Variants in GDF7 observed in about 807,000 individuals in gnomAD.
GDF7 encodes growth differentiation factor 7.
GDF7 carries 12 observed loss-of-function variants against 13.4 expected under a neutral mutation model. That is an observed-to-expected ratio of 0.90 (90% CI 0.57 to 1.45). The LOEUF is 1.45. GDF7 is among the 40% of genes most tolerant of loss of function. The pLI, the probability that GDF7 is intolerant of heterozygous loss-of-function variation, is 0.00. For missense variants in GDF7, 651 were observed against 652.4 expected (o/e 1.00, Z 0.02); for synonymous variants, 330 against 306.4 (o/e 1.08, Z -0.80).
rs1662138262 is a variant in GDF7, at chr2:20,672,127, C to CCCTTTTT, written c.*702_*703insCCTTTTT. ...CCGCCACCCCCCCCCCCCCCCCCGC[C>CCCTTTTT]TTTTTTTTTTTTTTTTTTAATCAAT... On this transcript the variant is annotated 3_prime_UTR_variant, in exon 2 of 2. Transcript: ENST00000272224. 8.9e-6 allele frequency: 1 copy of CCCTTTTT among 112,446 alleles called. No homozygotes were observed. The highest frequency in any genetic ancestry group is 3.5e-5 in the African/African-American group (1 of 28,186). 7.0% of individuals were successfully genotyped at this position (112,446 alleles called of 1,614,324 possible).
At position 20,671,453 on chromosome 2, in the gene GDF7, G is replaced by A. The variant is rs1259187171; in HGVS notation, c.*28G>A. Reference sequence around the variant, plus strand: ...CGAGGGCCGGGGAGGGGGCAGCCACGCGGCCGAGGATCCCCAGCTGATGAG... The same window carrying A: ...CGAGGGCCGGGGAGGGGGCAGCCACACGGCCGAGGATCCCCAGCTGATGAG... On this transcript the variant is annotated 3_prime_UTR_variant, in exon 2 of 2. Coordinates refer to ENST00000272224, the MANE Select transcript of GDF7 (RefSeq NM_182828.4). 5.0e-6 allele frequency: 8 copies of A among 1,596,682 alleles called. No individual in the cohort carries two copies. The Admixed American group carries it at 6.8e-5, about 14-fold the overall frequency.
Position 20,676,249 on chromosome 2 carries a change from C to G in GDF7, c.*4824C>G, listed in dbSNP as rs1025534758. 2 of 152,242 alleles carry G rather than the reference C, an allele frequency of 1.3e-5. No individual in the cohort carries two copies. The highest frequency in any genetic ancestry group is 2.9e-5 in the Non-Finnish European group (2 of 68,058). The allele number at this position is 152,242 out of a possible 1,614,324, so 9.4% of individuals were successfully genotyped here. ...CAGGGGAGTGACCCTGGGGTAGCAT[C>G]AGAAGAGCTTGTCTCTCTCTTCCTT... On this transcript the variant is annotated 3_prime_UTR_variant, in exon 2 of 2. Transcript: ENST00000272224.
At chr2:20,670,021 C>T (rs1662084357) in intron 1 of GDF7, among the ~76,000 whole-genome samples, 1 of 152,178 alleles carries the variant, frequency 6.6e-6, no homozygotes, top group Admixed American at 6.5e-5. Flanking sequence ...CGATAAGTCT[C>T]CTTAAGGCCC....
chr2:20,671,082 C>G lies in GDF7; in HGVS notation c.1010C>G (p.Ala337Gly), dbSNP rs1225009054. 1 of 1,507,702 alleles carries G rather than the reference C, an allele frequency of 6.6e-7. No individual in the cohort carries two copies. The highest frequency in any genetic ancestry group is 2.5e-5 in the East Asian group (1 of 40,580). 93.4% of individuals were successfully genotyped at this position (1,507,702 alleles called of 1,614,324 possible). A position where few individuals can be genotyped will look rare whatever the true frequency, so the allele number is the denominator to read the frequency against. ...TRTAQGSGGG[A>G]GRGHGRRGRS... Reference sequence around the variant, plus strand: ...ACAGCGCAGGGCAGCGGCGGGGGCGCGGGCCGGGGCCACGGGCGCAGGGGC... The same window carrying G: ...ACAGCGCAGGGCAGCGGCGGGGGCGGGGGCCGGGGCCACGGGCGCAGGGGC... Residue 337 changes from alanine (A) to glycine (G), a missense_variant, in exon 2 of 2, where the codon GCG becomes GGG. Ala to Gly is a moderately conservative substitution (Grantham distance 60, BLOSUM62 0). This residue lies in a region of GDF7 where 487 missense variants were observed against 445.9 expected (regional missense o/e 1.09). Coordinates refer to ENST00000272224, the MANE Select transcript of GDF7 (RefSeq NM_182828.4).
rs905881263 is a variant in GDF7 at position 20,674,312 on chromosome 2, A to C, written c.*2887A>C. ...GTCCCCTCAACCCCAACCTGAGGTC[A>C]CCAAAGTCTCCCTCCTAAAGTAAAC... is the stretch of plus-strand genomic sequence containing the variant. On this transcript the variant is annotated 3_prime_UTR_variant, in exon 2 of 2. Transcript: ENST00000272224. The C allele has an allele frequency of 2.0e-5, 3 of 152,240 alleles. No homozygotes were observed. Among genetic ancestry groups the C allele is most frequent in the Non-Finnish European group, 2.9e-5 (2 of 68,040 alleles). The allele number at this position is 152,240 out of a possible 1,614,324, so 9.4% of individuals were successfully genotyped here.
At chr2:20,670,282 C>G (rs1334080950) in intron 1 of GDF7, among the ~76,000 whole-genome samples, 182 bp from the exon 2 acceptor site, 1 of 152,230 alleles carries the variant, frequency 6.6e-6, no homozygotes, top group African/African-American at 2.4e-5. Context: ...GTCCGCTGCT[C>G]TGGGCCAGGC....
rs147389671 is a variant in GDF7, at chr2:20,670,582, C to A, written c.510C>A (p.Gly170=). The change falls in exon 2 of 2, where the codon GGC becomes GGA. Residue 170 remains glycine, a synonymous_variant. Transcript: ENST00000272224. The stretch of plus-strand genomic sequence containing the variant: ...TGCGCCGGGGATCTCCAGAGTCGGG[C>A]CCAGGCAGCTGGACTTCTCCGCCGT... The part of the protein sequence containing the change: ...RVLRRGSPES[G]PGSWTSPPLL... 6.2e-7 allele frequency: 1 copy of A among 1,602,914 alleles called. No individual in the cohort carries two copies. The highest frequency in any genetic ancestry group is 8.5e-7 in the Non-Finnish European group (1 of 1,176,276).
At position 20,667,593 on chromosome 2, in the gene GDF7, G is replaced by A. The variant is rs779201956; in HGVS notation, c.354G>A (p.Ala118=). ...AAVSASGHGR[A]DTITGFTDQA... ...TCTCCGCCTCGGGCCATGGTCGCGC[G>A]GACACGATCACCGGCTTCACAGACC... The change falls in exon 1 of 2, where the codon GCG becomes GCA. Residue 118 remains alanine (A), a synonymous_variant. Coordinates refer to ENST00000272224, the MANE Select transcript of GDF7 (RefSeq NM_182828.4). This position sits in a 1 kb window ranked among gnomAD's most constrained non-coding sequence, Gnocchi z 6.4. 4 of 1,511,508 alleles carry A rather than the reference G, an allele frequency of 2.6e-6. No homozygotes were observed. Among genetic ancestry groups the A allele is most frequent in the Admixed American group, 2.0e-5 (1 of 48,880 alleles). 93.6% of individuals were successfully genotyped at this position (1,511,508 alleles called of 1,614,324 possible). A position where few individuals can be genotyped will look rare whatever the true frequency, so the allele number is the denominator to read the frequency against.
chr2:20,670,477 C>T lies in GDF7; in HGVS notation c.405C>T (p.Ala135=), dbSNP rs145064511. 7.0e-4 allele frequency: 1,075 copies of T among 1,543,848 alleles called. 7 individuals carry two copies. In the African/African-American group the frequency reaches 0.013, roughly 19 times the overall value. ...GGTCCCCCGCAGACGAATCGGCAGC[C>T]GAAACAGGCCAGAGCTTCCTGTTCG... The part of the protein sequence containing the change: ...TDQATQDESA[A]ETGQSFLFDV... Residue 135 remains alanine (A), a synonymous_variant, in exon 2 of 2, where the codon GCC becomes GCT. Coordinates refer to ENST00000272224, the MANE Select transcript of GDF7 (RefSeq NM_182828.4).
rs1460307274 is a variant in GDF7 at position 20,674,768 on chromosome 2, G to C, written c.*3343G>C. 6.6e-6 allele frequency: 1 copy of C among 152,212 alleles called. No homozygotes were observed. Among genetic ancestry groups the C allele is most frequent in the Admixed American group, 6.5e-5 (1 of 15,286 alleles). The allele number at this position is 152,212 out of a possible 1,614,324, so 9.4% of individuals were successfully genotyped here. On this transcript the variant is annotated 3_prime_UTR_variant, in exon 2 of 2. Coordinates refer to ENST00000272224, the MANE Select transcript of GDF7 (RefSeq NM_182828.4). ...GATATGAGGTGTGGATTGTGTGATA[G>C]AAGAATCCAGACTCCACGAAGCCAA...
chr2:20,670,962 C>T lies in GDF7; in HGVS notation c.890C>T (p.Ser297Leu). Reference protein sequence around the residue: ...QARALGAALASEPLPDPGTGT... With the variant: ...QARALGAALALEPLPDPGTGT... The stretch of plus-strand genomic sequence containing the variant: ...CGCGCGCTCGGGGCCGCTCTGGCCT[C>T]AGAGCCGCTGCCCGACCCAGGAACC... Residue 297 changes from serine to leucine, a missense_variant, in exon 2 of 2, where the codon TCA (serine) becomes TTA (leucine). By Grantham distance (145) the Ser-to-Leu change is moderately radical (BLOSUM62 -2). Around this residue, in one of 4 missense-constraint regions of GDF7, gnomAD observed 487 missense variants for 445.9 expected, o/e 1.09. Transcript: ENST00000272224. The T allele has an allele frequency of 6.4e-7, 1 of 1,562,188 alleles. No individual in the cohort carries two copies. Among genetic ancestry groups the T allele is most frequent in the Non-Finnish European group, 8.6e-7 (1 of 1,161,640 alleles).
rs1662257633 is a variant in GDF7 at position 20,677,811 on chromosome 2, G to C, written c.*6386G>C. 6.6e-6 allele frequency: 1 copy of C among 152,304 alleles called. No homozygotes were observed. The highest frequency in any genetic ancestry group is 1.5e-5 in the Non-Finnish European group (1 of 68,092). 9.4% of individuals were successfully genotyped at this position (152,304 alleles called of 1,614,324 possible). ...TGGGGAGACCGCTCATGGGCTATGGGCAGCCCATGCCTGGATTTTTTGGTG... is the reference window on the plus strand; with the variant it reads ...TGGGGAGACCGCTCATGGGCTATGGCCAGCCCATGCCTGGATTTTTTGGTG... On this transcript the variant is annotated 3_prime_UTR_variant, in exon 2 of 2. Coordinates refer to ENST00000272224, the MANE Select transcript of GDF7 (RefSeq NM_182828.4).
At position 20,672,002 on chromosome 2, in the gene GDF7, A is replaced by T. The variant is rs1298899058; in HGVS notation, c.*577A>T. On this transcript the variant is annotated 3_prime_UTR_variant, in exon 2 of 2. Transcript: ENST00000272224. ...CTGCAAAAAGCATCTTTCTTTTTTT[A>T]ACTTTTAAAATTTAACGTGCCCCTG... 6.6e-6 allele frequency: 1 copy of T among 151,516 alleles called. No individual in the cohort carries two copies. The highest frequency in any genetic ancestry group is 1.5e-5 in the Non-Finnish European group (1 of 67,824). 9.4% of individuals were successfully genotyped at this position (151,516 alleles called of 1,614,324 possible).
intron 1 of GDF7, among the ~76,000 whole-genome samples, chr2:20,670,043 A>T (rs1362632169): frequency 4.6e-5 from 7 of 152,128 alleles, no homozygotes; most frequent in African/African-American, 1.4e-4. Flanking sequence ...GGACCTCAGG[A>T]GGGGGTGCAC....
rs924967138 is a variant in GDF7 at position 20,673,523 on chromosome 2, A to G, written c.*2098A>G. The stretch of plus-strand genomic sequence containing the variant: ...GAAGTGTTGAAAGTTGTAGTATTAG[A>G]AGGTTTAGAAAGGAAGTTAATGACA... On this transcript the variant is annotated 3_prime_UTR_variant, in exon 2 of 2. Coordinates refer to ENST00000272224, the MANE Select transcript of GDF7 (RefSeq NM_182828.4). The G allele has an allele frequency of 2.6e-5, 4 of 152,224 alleles. No homozygotes were observed. The highest frequency in any genetic ancestry group is 4.4e-5 in the Non-Finnish European group (3 of 68,042). 9.4% of individuals were successfully genotyped at this position (152,224 alleles called of 1,614,324 possible). A position where few individuals can be genotyped will look rare whatever the true frequency, so the allele number is the denominator to read the frequency against.
In GDF7 at chr2:20,671,191, C is replaced by T. The variant is rs929428292; in HGVS notation, c.1119C>T (p.Tyr373=). 6.2e-7 allele frequency: 1 copy of T among 1,613,698 alleles called. No homozygotes were observed. The highest frequency in any genetic ancestry group is 8.5e-7 in the Non-Finnish European group (1 of 1,179,912). The change falls in exon 2 of 2, where the codon TAC becomes TAT. Residue 373 remains tyrosine, a synonymous_variant. Transcript: ENST00000272224. ...ACTGGATCATCGCGCCGCTGGACTA[C>T]GAGGCGTACCACTGCGAGGGCCTTT... ...WDDWIIAPLD[Y]EAYHCEGLCD... is the part of the protein sequence containing the mutation.
chr2:20,676,452 G>C lies in GDF7; in HGVS notation c.*5027G>C, dbSNP rs558431340. On this transcript the variant is annotated 3_prime_UTR_variant, in exon 2 of 2. Coordinates refer to ENST00000272224, the MANE Select transcript of GDF7 (RefSeq NM_182828.4). ...TTCTGGACTTTAATCTGTGTGCACA[G>C]CTTAGTGCGTCACAAATAGTAACTG... 2 of 152,400 alleles carry C rather than the reference G, an allele frequency of 1.3e-5. No individual in the cohort carries two copies. The highest frequency in any genetic ancestry group is 4.1e-4 in the South Asian group (2 of 4,828). The allele number at this position is 152,400 out of a possible 1,614,324, so 9.4% of individuals were successfully genotyped here. A position where few individuals can be genotyped will look rare whatever the true frequency, so the allele number is the denominator to read the frequency against.
chr2:20,668,404 T>C (rs1662009963), intron 1 of GDF7, among the ~76,000 whole-genome samples: 1 of 152,138 alleles, frequency 6.6e-6, no homozygotes, highest in Non-Finnish European at 1.5e-5. Flanking sequence ...CTTCCAAAGG[T>C]AAGATGTAGG....
chr2:20,669,324 G>T (rs1313384249), intron 1 of GDF7, among the ~76,000 whole-genome samples: 1 of 152,178 alleles, frequency 6.6e-6, no homozygotes, highest in African/African-American at 2.4e-5. Flanking sequence ...CCCCAGTGGT[G>T]GGGGGATTCT....
Sources: gnomAD v4.1 joint callset for allele counts (sites outside exome capture counted in the v4.1 genomes callset) on GRCh38, gnomAD v4.1.1 for gene constraint, gnomAD v4.1.1 regional missense constraint, Gnocchi (gnomAD v3.1) non-coding constraint, MANE v1.5 for transcripts, NCBI Gene and HGNC (gene_info 2026-07-23, HGNC 2026-07-21) for gene names.